Variants in ANO4 observed in about 807,000 individuals in gnomAD.
ANO4 encodes the protein anoctamin-4.
In ANO4, 69 loss-of-function variants were observed where a neutral mutation model predicts 141.9. The observed-to-expected ratio is 0.49, with a 90% confidence interval of 0.40 to 0.59. The LOEUF is 0.59. Ranked by LOEUF, ANO4 falls within the 20% of genes least tolerant of loss-of-function variation. The probability of loss-of-function intolerance (pLI) is 0.00; values close to 1 mark genes in which losing one functional copy is unlikely to be tolerated. For synonymous variants in ANO4, 350 were observed against 394.3 expected (o/e 0.89, Z 1.33); for missense variants, 894 against 1,162.2 (o/e 0.77, Z 3.36).
At position 100,939,313 on chromosome 12, in the gene ANO4, A is replaced by G; in HGVS notation, c.161-2A>G. On this transcript the variant is annotated splice_acceptor_variant, in intron 3 of 27. Transcript: ENST00000392977. LOFTEE classifies it high-confidence loss of function. ...CTTATAATGTATTTACTTTGGTTCT[A>G]GTGGCCAAGGATGTCAATATTCTTT... 6.2e-7 allele frequency: 1 copy of G among 1,611,546 alleles called. No homozygotes were observed.
intron 1 of ANO4, among the ~76,000 whole-genome samples, chr12:100,896,838 T>C (rs540513697): frequency 1.3e-5 from 2 of 152,268 alleles, no homozygotes; most frequent in South Asian, 2.1e-4. Flanking sequence ...ATCATTGATA[T>C]GATAGAAGCT....
intron 2 of ANO4, among the ~76,000 whole-genome samples, chr12:100,905,681 G>T (rs983780451): frequency 2.0e-5 from 3 of 152,132 alleles, no homozygotes; most frequent in Admixed American, 1.3e-4. Context: ...TTGCTATGAA[G>T]TGTAGTGAAG....
At position 101,109,509 on chromosome 12, in the gene ANO4, C is replaced by T. The variant is rs536731110; in HGVS notation, c.2150-895C>T. On this transcript the variant is annotated intron_variant, in intron 22 of 27. Transcript: ENST00000392977. ...CCAGGAGGCGGAGGTTGCAGTGAGC[C>T]GAGATCGTGCTGCTACACTCCAGCC... Among the ~76,000 whole-genome samples the T allele has an allele frequency of 1.4e-4, 22 of 151,940 alleles. 1 individual carries two copies. In the South Asian group the frequency reaches 4.0e-3, roughly 27 times the overall value.
intron 6 of ANO4, among the ~76,000 whole-genome samples, chr12:100,973,832 A>G (rs2044036002): frequency 6.6e-6 from 1 of 152,150 alleles, no homozygotes; most frequent in Admixed American, 6.6e-5. Flanking sequence ...CACTGCCCTA[A>G]AAGTCTCCTG....
intron 14 of ANO4, among the ~76,000 whole-genome samples, chr12:101,060,887 A>G (rs974920044): frequency 6.6e-6 from 1 of 152,014 alleles, no homozygotes; most frequent in Non-Finnish European, 1.5e-5. Flanking sequence ...ACATTTAAGG[A>G]TAATATTGTT....
At chr12:100,883,056 C>A (rs1335842221) in intron 1 of ANO4, among the ~76,000 whole-genome samples, 1 of 152,134 alleles carries the variant, frequency 6.6e-6, no homozygotes, top group Non-Finnish European at 1.5e-5. Flanking sequence ...CTACCACAAT[C>A]GTTTATGGAA....
chr12:100,720,015 C>T (rs2030793611), intron 1 of ANO4, among the ~76,000 whole-genome samples: 2 of 152,178 alleles, frequency 1.3e-5, no homozygotes, highest in African/African-American at 4.8e-5. Context: ...TTTATACTCA[C>T]CACTGACATT....
At chr12:100,761,737 A>G (rs1174063937) in intron 3 of ANO4, among the ~76,000 whole-genome samples, 1 of 152,206 alleles carries the variant, frequency 6.6e-6, no homozygotes, top group African/African-American at 2.4e-5. Flanking sequence ...TCTGAAATCT[A>G]AGTTCTTAGA....
intron 1 of ANO4, among the ~76,000 whole-genome samples, chr12:100,844,473 G>A (rs2037453874): frequency 6.6e-6 from 1 of 152,094 alleles, no homozygotes; most frequent in South Asian, 2.1e-4. Context: ...GTCTGGTCCA[G>A]GAGAAAAAGG....
At chr12:101,007,009 A>G (rs1388416712) in intron 8 of ANO4, among the ~76,000 whole-genome samples, 1 of 152,216 alleles carries the variant, frequency 6.6e-6, no homozygotes, top group African/African-American at 2.4e-5. Context: ...GCAGGAACTT[A>G]TACACTGGGG....
At chr12:100,892,103 T>C (rs2040134926) in intron 1 of ANO4, among the ~76,000 whole-genome samples, 1 of 152,224 alleles carries the variant, frequency 6.6e-6, no homozygotes, top group African/African-American at 2.4e-5. Flanking sequence ...TAAGGTTGAA[T>C]AGAATGTCTT....
chr12:101,123,039 C>T (rs1033977472), intron 26 of ANO4, among the ~76,000 whole-genome samples: 4 of 152,126 alleles, frequency 2.6e-5, no homozygotes. Flanking sequence ...TGACTCTAGT[C>T]ATAAGTGGAA....
At chr12:100,748,736 A>G (rs572398237) in intron 3 of ANO4, among the ~76,000 whole-genome samples, 3 of 151,550 alleles carry the variant, frequency 2.0e-5, no homozygotes, top group South Asian at 4.2e-4. Context: ...TTTGTTCACC[A>G]TTTCTTTTTT....
chr12:100,753,556 A>T (rs1041168967), intron 3 of ANO4, among the ~76,000 whole-genome samples: 1 of 152,126 alleles, frequency 6.6e-6, no homozygotes, highest in Non-Finnish European at 1.5e-5. Flanking sequence ...AGGAAGGCAG[A>T]CACTTGCAGG....
intron 2 of ANO4, among the ~76,000 whole-genome samples, chr12:100,912,392 C>CACAAAAA (rs2041139329): frequency 1.5e-5 from 1 of 67,358 alleles, no homozygotes; most frequent in Non-Finnish European, 2.9e-5. Context: ...AGGACTCTGT[C>CACAAAAA]AAAAAAAAAA....
At chr12:100,812,114 C>A (rs562996036) in intron 1 of ANO4, among the ~76,000 whole-genome samples, 8 of 152,252 alleles carry the variant, frequency 5.3e-5, no homozygotes, top group East Asian at 1.9e-4. Context: ...ATGAATCGTT[C>A]TTATTTTCCT....
chr12:100,980,444 T>C (rs2044408672), intron 7 of ANO4, among the ~76,000 whole-genome samples: 1 of 152,224 alleles, frequency 6.6e-6, no homozygotes. Flanking sequence ...ATATTCTAAA[T>C]TGAAGGCCAC....
intron 22 of ANO4, among the ~76,000 whole-genome samples, chr12:101,106,664 CAA>C (rs931951300): frequency 3.3e-5 from 5 of 150,024 alleles, no homozygotes; most frequent in South Asian, 2.1e-4. Context: ...GGAAACCACT[CAA>C]GAGCAAAAAT....
intron 1 of ANO4, among the ~76,000 whole-genome samples, chr12:100,727,379 C>T (rs1246948678): frequency 6.6e-6 from 1 of 152,136 alleles, no homozygotes; most frequent in Non-Finnish European, 1.5e-5. Flanking sequence ...TTTGTTTATA[C>T]CTTCTTGGAT....
Sources: gnomAD v4.1 joint callset for allele counts (sites outside exome capture counted in the v4.1 genomes callset) on GRCh38, gnomAD v4.1.1 for gene constraint, MANE v1.5 for transcripts, NCBI Gene and HGNC (gene_info 2026-07-23, HGNC 2026-07-21) for gene names.